Variants in RGS9 observed in about 807,000 individuals in gnomAD.
RGS9 encodes the protein regulator of G-protein signalling 9.
Under a neutral mutation model 102.0 loss-of-function variants are expected in RGS9, and 78 were observed. That is an observed-to-expected ratio of 0.76 (90% confidence interval 0.64 to 0.92). The LOEUF (loss-of-function observed/expected upper bound fraction) is 0.92, where lower values mean the gene tolerates loss of function less well. Among genes scored for constraint, RGS9 ranks in the 40% least tolerant of loss-of-function variants. The probability of loss-of-function intolerance (pLI) is 0.00; values close to 1 mark genes in which losing one functional copy is unlikely to be tolerated. For synonymous variants in RGS9, 353 were observed against 318.6 expected (o/e 1.11, Z -1.15); for missense variants, 833 against 866.1 (o/e 0.96, Z 0.48).
intron 1 of RGS9, among the ~76,000 whole-genome samples, chr17:65,142,013 T>C (rs1910176129): frequency 6.6e-6 from 1 of 152,066 alleles, no homozygotes; most frequent in Non-Finnish European, 1.5e-5. Flanking sequence ...TCCCAGTACT[T>C]TGGGAGGCTG....
chr17:65,183,106 A>ATCTATCTATCCATCTG (rs1315714540), intron 9 of RGS9, among the ~76,000 whole-genome samples: 1 of 149,822 alleles, frequency 6.7e-6, no homozygotes, highest in African/African-American at 2.4e-5. Flanking sequence ...CTATCTATCT[A>ATCTATCTATCCATCTG]TCTACCTACC....
chr17:65,221,344 C>T (rs1913700642), intron 17 of RGS9, among the ~76,000 whole-genome samples: 1 of 152,110 alleles, frequency 6.6e-6, no homozygotes, highest in South Asian at 2.1e-4. Context: ...TATCCATGAA[C>T]CTCAGTTGTC....
In RGS9 at chr17:65,210,533, C is replaced by A. The variant is rs558017001; in HGVS notation, c.1335C>A (p.Ser445Arg). Reference protein sequence around the residue: ...FMRRHLRSSPSPVILRQLEEE... With the variant: ...FMRRHLRSSPRPVILRQLEEE... ...GGCGTCACCTGCGCTCCAGCCCAAG[C>A]CCTGTCATCCTGAGACAGCTGGAAG... The change falls in exon 17 of 19, where the codon AGC becomes AGA. Residue 445 changes from serine (S) to arginine (R), a missense_variant. This residue lies in a region of RGS9 where 185 missense variants were observed against 248.7 expected (regional missense o/e 0.74). Coordinates refer to ENST00000262406, the MANE Select transcript of RGS9 (RefSeq NM_003835.4). The A allele has an allele frequency of 6.2e-7, 1 of 1,614,030 alleles. No homozygotes were observed. The highest frequency in any genetic ancestry group is 2.2e-5 in the East Asian group (1 of 44,878).
At position 65,201,400 on chromosome 17, in the gene RGS9, C is replaced by G. The variant is rs73994749; in HGVS notation, c.977-593C>G. On this transcript the variant is annotated intron_variant, in intron 13 of 18. Coordinates refer to ENST00000262406, the MANE Select transcript of RGS9 (RefSeq NM_003835.4). ...TCTTGAACAGCCTCTCTGTAAGAAC[C>G]GTTGGCCTGGAATATGTCTGGTGAG... is the stretch of plus-strand genomic sequence containing the variant. Among the ~76,000 whole-genome samples the G allele has an allele frequency of 2.1e-3, 319 of 152,262 alleles. 2 individuals carry two copies. Among genetic ancestry groups the G allele is most frequent in the African/African-American group, 7.4e-3 (308 of 41,546 alleles).
chr17:65,223,214 A>G (rs1241606448), intron 17 of RGS9, among the ~76,000 whole-genome samples: 2 of 152,186 alleles, frequency 1.3e-5, no homozygotes, highest in East Asian at 1.9e-4. Flanking sequence ...AGGGCCTCAC[A>G]TTTGCTGTGT....
At chr17:65,186,245 G>C (rs1380409302) in intron 9 of RGS9, among the ~76,000 whole-genome samples, 2 of 151,448 alleles carry the variant, frequency 1.3e-5, no homozygotes, top group Non-Finnish European at 2.9e-5. Context: ...GGCCGAGGCT[G>C]GAGTGCAGTA....
At chr17:65,158,459 A>G in intron 3 of RGS9, 114 bp downstream of exon 3, 1 of 983,006 alleles carries the variant, frequency 1.0e-6, no homozygotes, top group Non-Finnish European at 1.6e-6. Context: ...TTAATTGGAC[A>G]GACATGACCT....
chr17:65,209,848 C>T (rs941639675), intron 16 of RGS9, among the ~76,000 whole-genome samples: 2 of 152,246 alleles, frequency 1.3e-5, no homozygotes, highest in East Asian at 3.9e-4. Flanking sequence ...GAGGCTGAGG[C>T]GGATGGATCA....
intron 3 of RGS9, among the ~76,000 whole-genome samples, chr17:65,159,605 A>G (rs1910902347): frequency 6.6e-6 from 1 of 152,202 alleles, no homozygotes; most frequent in South Asian, 2.1e-4. Flanking sequence ...TCCCCAGAGG[A>G]TGGAAGGATA....
intron 6 of RGS9, among the ~76,000 whole-genome samples, chr17:65,161,111 C>G (rs1161372532): frequency 6.6e-6 from 1 of 152,226 alleles, no homozygotes; most frequent in Admixed American, 6.5e-5. Context: ...TTCAGTTTCT[C>G]TTGCTGTAAT....
At chr17:65,216,707 T>G (rs931414831) in intron 17 of RGS9, among the ~76,000 whole-genome samples, 1 of 152,126 alleles carries the variant, frequency 6.6e-6, no homozygotes, top group African/African-American at 2.4e-5. Context: ...AGGTTGAAAA[T>G]GTGCTTCTGG....
chr17:65,170,983 C>T lies in RGS9; in HGVS notation c.582+2702C>T, dbSNP rs189124454. Among the ~76,000 whole-genome samples, 961 of 152,220 alleles carry T rather than the reference C, an allele frequency of 6.3e-3. 14 individuals are homozygous for T. The highest frequency in any genetic ancestry group is 6.5e-3 in the Non-Finnish European group (445 of 68,004). On this transcript the variant is annotated intron_variant, in intron 8 of 18. Coordinates refer to ENST00000262406, the MANE Select transcript of RGS9 (RefSeq NM_003835.4). ...TCTGACTGACAGGCTCAGGAAGCCC[C>T]GGAGCTCACAGGCTGCCAGACTGTC...
In RGS9 at chr17:65,185,788, C is replaced by T. The variant is rs919077782; in HGVS notation, c.655-3498C>T. On this transcript the variant is annotated intron_variant, in intron 9 of 18. Transcript: ENST00000262406. ...CAGGAGTATACAAATTGTAAACCCC[C>T]GAAGACTGAGATAATGGCCCTAGAA... is the stretch of plus-strand genomic sequence containing the variant. Among the ~76,000 whole-genome samples the T allele has an allele frequency of 2.1e-4, 32 of 152,130 alleles. 1 individual carries two copies. Among genetic ancestry groups the T allele is most frequent in the African/African-American group, 7.7e-4 (32 of 41,438 alleles).
chr17:65,162,638 A>AT (rs561339407), intron 6 of RGS9, among the ~76,000 whole-genome samples: 12,354 of 139,464 alleles, frequency 0.089, 1,468 homozygotes, highest in East Asian at 0.52. Flanking sequence ...AATTTTTTGT[A>AT]TTTTTTTTTT....
chr17:65,140,699 A>T (rs1910123573), intron 1 of RGS9, among the ~76,000 whole-genome samples: 1 of 152,138 alleles, frequency 6.6e-6, no homozygotes, highest in Admixed American at 6.5e-5. Flanking sequence ...ACATGGCAAA[A>T]CCCTCTGACT....
chr17:65,142,749 ATTTTTGTG>A (rs1010773359), intron 1 of RGS9, among the ~76,000 whole-genome samples: 3 of 151,696 alleles, frequency 2.0e-5, no homozygotes, highest in Non-Finnish European at 2.9e-5. Context: ...TGCCTGGCTA[ATTTTTGTG>A]TTTTTAGTAG....
chr17:65,221,512 C>T (rs1447537105), intron 17 of RGS9, among the ~76,000 whole-genome samples: 1 of 152,200 alleles, frequency 6.6e-6, no homozygotes, highest in Non-Finnish European at 1.5e-5. Context: ...TTGGGTCACA[C>T]AGACCTGGCC....
chr17:65,145,003 G>A (rs1269811234), intron 1 of RGS9, among the ~76,000 whole-genome samples: 1 of 152,140 alleles, frequency 6.6e-6, no homozygotes, highest in Non-Finnish European at 1.5e-5. Flanking sequence ...TTCCCTCTGT[G>A]TCTATCTGTG....
intron 14 of RGS9, among the ~76,000 whole-genome samples, chr17:65,202,450 AG>A (rs1912894301): frequency 7.5e-6 from 1 of 133,680 alleles, no homozygotes; most frequent in South Asian, 2.2e-4. Context: ...TGTGTGAGAG[AG>A]AGAGAGAGAG....
Sources: gnomAD v4.1 joint callset for allele counts (sites outside exome capture counted in the v4.1 genomes callset) on GRCh38, gnomAD v4.1.1 for gene constraint, gnomAD v4.1.1 regional missense constraint, MANE v1.5 for transcripts, NCBI Gene and HGNC (gene_info 2026-07-23, HGNC 2026-07-21) for gene names.